The following SPAG16 variants were observed in gnomAD, a reference collection of about 807,000 sequenced individuals.
The protein encoded by SPAG16 is sperm associated antigen 16.
Under a neutral mutation model 80.4 loss-of-function variants are expected in SPAG16, and 86 were observed. The observed-to-expected ratio is 1.07, with a 90% confidence interval of 0.90 to 1.28. SPAG16 has a LOEUF of 1.28. Among genes scored for constraint, SPAG16 ranks in the 50% most tolerant of loss-of-function variants. The pLI is 0.00. For missense variants in SPAG16, 870 were observed against 765.3 expected, an observed-to-expected ratio of 1.14 and a Z score of -1.61; for synonymous variants, 294 against 265.9, an observed-to-expected ratio of 1.11 and a Z score of -1.03.
chr2:213,472,320 G>A (rs1046511814), intron 9 of SPAG16, among the ~76,000 whole-genome samples: 4 of 151,978 alleles, frequency 2.6e-5, no homozygotes, highest in African/African-American at 9.7e-5. Context: ...ATTTTCTCAA[G>A]CAATAAAACC....
intron 9 of SPAG16, among the ~76,000 whole-genome samples, chr2:213,460,216 AC>A (rs530299941): frequency 2.0e-5 from 3 of 152,140 alleles, no homozygotes; most frequent in Non-Finnish European, 4.4e-5. Context: ...TACCTGCAGT[AC>A]CAGGATTTGA....
intron 14 of SPAG16, among the ~76,000 whole-genome samples, chr2:214,138,062 G>A (rs1320130413): frequency 6.6e-6 from 1 of 152,052 alleles, no homozygotes; most frequent in African/African-American, 2.4e-5. Context: ...GGCTGGTCCA[G>A]GAACTGAACT....
chr2:214,039,239 C>G (rs1268846200), intron 13 of SPAG16, among the ~76,000 whole-genome samples: 1 of 152,154 alleles, frequency 6.6e-6, no homozygotes, highest in Non-Finnish European at 1.5e-5. Flanking sequence ...GCCATTCTAA[C>G]TGGTGTGAGA....
At chr2:214,088,773 T>A (rs2051959141) in intron 13 of SPAG16, among the ~76,000 whole-genome samples, 1 of 151,884 alleles carries the variant, frequency 6.6e-6, no homozygotes, top group Non-Finnish European at 1.5e-5. Flanking sequence ...TATGAATGAG[T>A]CCTCTCACCC....
chr2:213,690,196 C>T (rs2064878588), intron 10 of SPAG16, among the ~76,000 whole-genome samples: 1 of 152,200 alleles, frequency 6.6e-6, no homozygotes, highest in Admixed American at 6.5e-5. Context: ...TCCTCTATTT[C>T]TAGACTTAAC....
chr2:213,743,822 C>T (rs1428438912), intron 10 of SPAG16, among the ~76,000 whole-genome samples: 1 of 152,150 alleles, frequency 6.6e-6, no homozygotes, highest in Non-Finnish European at 1.5e-5. Context: ...TCTTCAAATA[C>T]TTGTCTCTGT....
At chr2:213,542,705 A>C (rs1458915990) in intron 10 of SPAG16, among the ~76,000 whole-genome samples, 1 of 152,154 alleles carries the variant, frequency 6.6e-6, no homozygotes. Flanking sequence ...AAGAGAAAAA[A>C]TGAGTTGATG....
intron 10 of SPAG16, among the ~76,000 whole-genome samples, chr2:213,768,247 A>C (rs571767216): frequency 7.2e-5 from 11 of 152,318 alleles, no homozygotes; most frequent in African/African-American, 1.4e-4. Context: ...AAAAGAGATA[A>C]GAATGCAATA....
chr2:213,648,611 C>G (rs1014669906), intron 10 of SPAG16, among the ~76,000 whole-genome samples: 1 of 152,120 alleles, frequency 6.6e-6, no homozygotes, highest in Non-Finnish European at 1.5e-5. Context: ...CACACACACA[C>G]ACACACACAT....
chr2:214,329,003 T>G (rs553841077), intron 15 of SPAG16, among the ~76,000 whole-genome samples: 26 of 152,318 alleles, frequency 1.7e-4, no homozygotes, highest in African/African-American at 5.8e-4. Context: ...AGAAGCTAAG[T>G]TACTTGATTA....
At chr2:214,360,462 G>C (rs764707689) in intron 15 of SPAG16, among the ~76,000 whole-genome samples, 2 of 151,668 alleles carry the variant, frequency 1.3e-5, no homozygotes, top group African/African-American at 2.4e-5. Flanking sequence ...AATTTTGAAA[G>C]CTCTAAAATT....
chr2:213,624,765 G>A (rs1465858379), intron 10 of SPAG16, among the ~76,000 whole-genome samples: 1 of 152,106 alleles, frequency 6.6e-6, no homozygotes, highest in Non-Finnish European at 1.5e-5. Context: ...GCATGATCTT[G>A]GACAAGATAC....
intron 1 of SPAG16, among the ~76,000 whole-genome samples, chr2:213,290,560 T>C (rs2062229668): frequency 6.6e-6 from 1 of 152,220 alleles, no homozygotes; most frequent in Non-Finnish European, 1.5e-5. Flanking sequence ...GAAGGAATAC[T>C]AGGCAGTTAG....
chr2:213,446,724 T>C (rs986155516), intron 9 of SPAG16, among the ~76,000 whole-genome samples: 1 of 152,196 alleles, frequency 6.6e-6, no homozygotes, highest in Non-Finnish European at 1.5e-5. Flanking sequence ...CGGAAATCTA[T>C]ACTAACGATA....
At chr2:214,261,591 A>G (rs1691180723) in intron 15 of SPAG16, among the ~76,000 whole-genome samples, 1 of 152,194 alleles carries the variant, frequency 6.6e-6, no homozygotes, top group Non-Finnish European at 1.5e-5. Context: ...TTGGAACACT[A>G]TCTTATCACA....
chr2:214,352,779 T>G (rs1294100690), intron 15 of SPAG16, among the ~76,000 whole-genome samples: 1 of 152,160 alleles, frequency 6.6e-6, no homozygotes, highest in Non-Finnish European at 1.5e-5. Flanking sequence ...CTACATAAAC[T>G]AAACTATTTA....
intron 10 of SPAG16, among the ~76,000 whole-genome samples, chr2:213,780,957 T>C (rs1002032721): frequency 2.0e-5 from 3 of 152,134 alleles, no homozygotes; most frequent in Non-Finnish European, 4.4e-5. Flanking sequence ...CTATTGGTAG[T>C]CCACAGAAGA....
intron 10 of SPAG16, among the ~76,000 whole-genome samples, chr2:213,819,203 G>A (rs377234115): frequency 4.1e-4 from 62 of 152,262 alleles, no homozygotes; most frequent in African/African-American, 1.4e-3. Flanking sequence ...GCCCTACAAA[G>A]TATAGTATCT....
intron 13 of SPAG16, among the ~76,000 whole-genome samples, chr2:214,016,258 A>G (rs1446839266): frequency 6.6e-6 from 1 of 152,166 alleles, no homozygotes; most frequent in Non-Finnish European, 1.5e-5. Flanking sequence ...TGGAGGCCTC[A>G]CAGCATGGTG....
Sources: gnomAD v4.1 joint callset for allele counts (sites outside exome capture counted in the v4.1 genomes callset) on GRCh38, gnomAD v4.1.1 for gene constraint, MANE v1.5 for transcripts, NCBI Gene and HGNC (gene_info 2026-07-23, HGNC 2026-07-21) for gene names.